Variants in SLC25A37 observed in about 807,000 individuals in gnomAD.
The protein encoded by SLC25A37 is solute carrier family 25 member 37.
In SLC25A37, 17 loss-of-function variants were observed where a neutral mutation model predicts 31.0. That is an observed-to-expected ratio of 0.55 (90% CI 0.38 to 0.82). The LOEUF (loss-of-function observed/expected upper bound fraction) is 0.82. SLC25A37 is among the 40% of genes least tolerant of loss of function. The pLI is 0.00. For synonymous variants in SLC25A37, 222 were observed against 193.0 expected (o/e 1.15, Z -1.24); for missense variants, 404 against 465.8 (o/e 0.87, Z 1.22).
At chr8:23,559,541 G>A (rs1349677196) in intron 1 of SLC25A37, among the ~76,000 whole-genome samples, 1 of 152,064 alleles carries the variant, frequency 6.6e-6, no homozygotes, top group Non-Finnish European at 1.5e-5. Flanking sequence ...CAGTCCAGCG[G>A]CATTAAGTAC....
intron 1 of SLC25A37, among the ~76,000 whole-genome samples, chr8:23,559,061 G>A (rs896813631): frequency 1.3e-5 from 2 of 152,208 alleles, no homozygotes; most frequent in Non-Finnish European, 2.9e-5. Context: ...CGTGTGTTTG[G>A]TCAGGTGTCT....
rs117331149 is a variant in SLC25A37 at position 23,569,168 on chromosome 8, G to T, written c.496+790G>T. 2.2e-4 allele frequency among the ~76,000 whole-genome samples: 34 copies of T among 152,254 alleles called. 1 individual carries two copies. In the East Asian group the frequency reaches 4.1e-3, roughly 18 times the overall value. On this transcript the variant is annotated intron_variant, in intron 3 of 3. Coordinates refer to ENST00000519973, the MANE Select transcript of SLC25A37 (RefSeq NM_016612.4). ...AGTCCCAGCTGTTCGGAAGGCTGAGGTGGAAGAATTGCTTGAGTTTGGGAG... is the reference window on the plus strand; with the variant it reads ...AGTCCCAGCTGTTCGGAAGGCTGAGTTGGAAGAATTGCTTGAGTTTGGGAG...
chr8:23,575,363 A>T lies in SLC25A37; in HGVS notation c.*3508A>T, dbSNP rs1167812399. The stretch of plus-strand genomic sequence containing the variant: ...CCTCTCAATTGTTGCCAGCTCTTTG[A>T]AGAAGGGGAGAATTGTGTGTTTTTG... On this transcript the variant is annotated 3_prime_UTR_variant, in exon 4 of 4. Coordinates refer to ENST00000519973, the MANE Select transcript of SLC25A37 (RefSeq NM_016612.4). 1.3e-5 allele frequency: 2 copies of T among 152,142 alleles called. No homozygotes were observed. Among genetic ancestry groups the T allele is most frequent in the Non-Finnish European group, 1.5e-5 (1 of 68,040 alleles). 9.4% of individuals were successfully genotyped at this position (152,142 alleles called of 1,614,324 possible).
intron 1 of SLC25A37, among the ~76,000 whole-genome samples, chr8:23,547,190 A>G (rs1287726658): frequency 1.3e-5 from 2 of 152,246 alleles, no homozygotes; most frequent in African/African-American, 2.4e-5. Flanking sequence ...AATTGAAAAC[A>G]GATTTCGGAT....
chr8:23,548,790 A>G (rs1014353790), intron 1 of SLC25A37, among the ~76,000 whole-genome samples: 1 of 152,180 alleles, frequency 6.6e-6, no homozygotes, highest in Non-Finnish European at 1.5e-5. Context: ...GATGAGGACC[A>G]TATAGATGGA....
intron 1 of SLC25A37, among the ~76,000 whole-genome samples, chr8:23,548,826 C>G (rs976464083): frequency 7.2e-5 from 11 of 152,092 alleles, no homozygotes; most frequent in Non-Finnish European, 1.5e-5. Flanking sequence ...GTAAAACACT[C>G]TCTCTCTGCT....
chr8:23,569,427 A>ACACACACACACACACACACT (rs1182003929), intron 3 of SLC25A37, among the ~76,000 whole-genome samples: 3 of 151,154 alleles, frequency 2.0e-5, no homozygotes, highest in African/African-American at 7.3e-5. Context: ...ACACACACAC[A>ACACACACACACACACACACT]CTCACTCTCT....
At chr8:23,567,826 GTTTTT>G (rs542715318) in intron 2 of SLC25A37, 2,739 of 111,460 alleles carry the variant, frequency 0.025, 67 homozygotes, top group Non-Finnish European at 0.03. Context: ...CTCTTGCCCA[GTTTTT>G]TTTTTTTTTT....
chr8:23,558,463 T>C (rs1314653385), intron 1 of SLC25A37, among the ~76,000 whole-genome samples: 1 of 152,138 alleles, frequency 6.6e-6, no homozygotes, highest in East Asian at 1.9e-4. Context: ...CCTAGGGCCA[T>C]TGTTGCTTCT....
In SLC25A37 at chr8:23,532,968, A is replaced by T. The variant is rs536541068; in HGVS notation, c.210+3756A>T. The stretch of plus-strand genomic sequence containing the variant: ...GCTTCAGAAGGGCGTGAAATCCCAA[A>T]TTGCTCTAGTTCCTGGGACAAAACT... On this transcript the variant is annotated intron_variant, in intron 1 of 3. Coordinates refer to ENST00000519973, the MANE Select transcript of SLC25A37 (RefSeq NM_016612.4). Among the ~76,000 whole-genome samples the T allele has an allele frequency of 2.2e-4, 33 of 152,210 alleles. No individual in the cohort carries two copies. In the East Asian group the frequency reaches 5.4e-3, roughly 25 times the overall value.
chr8:23,539,568 T>C (rs10098103), intron 1 of SLC25A37, among the ~76,000 whole-genome samples: 57,223 of 151,888 alleles, frequency 0.38, 12,485 homozygotes, highest in East Asian at 0.62. Context: ...GGGCGGGGTG[T>C]GGGCCCCGTG....
At position 23,529,027 on chromosome 8, in the gene SLC25A37, G is replaced by A; in HGVS notation, c.25G>A (p.Gly9Ser). Residue 9 changes from glycine (G) to serine (S), a missense_variant, in exon 1 of 4, where the codon GGC (glycine) becomes AGC (serine). Gly to Ser is a moderately conservative substitution (Grantham distance 56). This residue lies in a region of SLC25A37 where 154 missense variants were observed against 153.6 expected (regional missense o/e 1.00). Coordinates refer to ENST00000519973, the MANE Select transcript of SLC25A37 (RefSeq NM_016612.4). This position sits in a 1 kb window ranked among gnomAD's most constrained non-coding sequence, Gnocchi z 4.1. ...GATGGAGCTGCGCAGCGGGAGCGTG[G>A]GCAGCCAGGCGGTGGCGCGGAGGAT... is the stretch of plus-strand genomic sequence containing the variant. MELRSGSVGSQAVARRMDG... is the reference protein window; with the variant it reads MELRSGSVSSQAVARRMDG... 1 of 1,542,510 alleles carries A rather than the reference G, an allele frequency of 6.5e-7. No homozygotes were observed. The highest frequency in any genetic ancestry group is 8.7e-7 in the Non-Finnish European group (1 of 1,145,270).
Position 23,571,592 on chromosome 8 carries a change from A to ACGACCCCCC in SLC25A37, c.755_763dup (p.Pro254_Leu255insProThrPro). 6.2e-7 allele frequency: 1 copy of ACGACCCCCC among 1,613,788 alleles called. No individual in the cohort carries two copies. The highest frequency in any genetic ancestry group is 8.5e-7 in the Non-Finnish European group (1 of 1,179,812). On this transcript the variant is annotated inframe_insertion, in exon 4 of 4. Transcript: ENST00000519973. ...GGCCGGGGCCCTCGCCGCGGCCGCC[A>ACGACCCCCC]CGACCCCCCTGGACGTCTGTAAGAC... is the stretch of plus-strand genomic sequence containing the variant.
chr8:23,566,942 C>A, intron 2 of SLC25A37: 2 of 582,600 alleles, frequency 3.4e-6, no homozygotes, highest in Non-Finnish European at 4.3e-6. Flanking sequence ...TCTCTGCAAG[C>A]AAGGGCTGAA....
chr8:23,552,665 A>G (rs1193734417), intron 1 of SLC25A37, among the ~76,000 whole-genome samples: 1 of 152,172 alleles, frequency 6.6e-6, no homozygotes, highest in African/African-American at 2.4e-5. Context: ...CCCAACCAGA[A>G]CGTACGTTAC....
intron 1 of SLC25A37, among the ~76,000 whole-genome samples, chr8:23,538,161 A>T (rs1801809666): frequency 6.6e-6 from 1 of 151,954 alleles, no homozygotes; most frequent in Admixed American, 6.6e-5. Flanking sequence ...CGGGCAGATC[A>T]CCTGAGGTCA....
At position 23,572,393 on chromosome 8, in the gene SLC25A37, TTTGTTG is replaced by T. The variant is rs140888202; in HGVS notation, c.*544_*549del. On this transcript the variant is annotated 3_prime_UTR_variant, in exon 4 of 4. Transcript: ENST00000519973. ...TTACGGCTGGGACTCTCCAGCTGTT[TTTGTTG>T]TTGTTATGTTTTTAAGAGGGTTGAA... 2 of 152,606 alleles carry T rather than the reference TTTGTTG, an allele frequency of 1.3e-5. No homozygotes were observed. The highest frequency in any genetic ancestry group is 4.8e-5 in the African/African-American group (2 of 41,300). 9.5% of individuals were successfully genotyped at this position (152,606 alleles called of 1,614,324 possible). A position where few individuals can be genotyped will look rare whatever the true frequency, so the allele number is the denominator to read the frequency against.
intron 1 of SLC25A37, among the ~76,000 whole-genome samples, chr8:23,544,614 G>A (rs532341866): frequency 1.3e-5 from 2 of 152,126 alleles, no homozygotes; most frequent in Non-Finnish European, 2.9e-5. Context: ...GTTGGGAAAG[G>A]CCCCCCGAGG....
At chr8:23,548,088 G>A (rs992956910) in intron 1 of SLC25A37, among the ~76,000 whole-genome samples, 5 of 152,198 alleles carry the variant, frequency 3.3e-5, no homozygotes, top group Admixed American at 3.3e-4. Flanking sequence ...GAGCCTCCCT[G>A]CAGCATCTCC....
Sources: allele counts gnomAD v4.1 joint callset (sites outside exome capture counted in the v4.1 genomes callset), GRCh38; gene constraint gnomAD v4.1.1; regional missense constraint gnomAD v4.1.1; non-coding constraint Gnocchi (gnomAD v3.1); transcripts MANE v1.5; gene names NCBI Gene and HGNC (gene_info 2026-07-23, HGNC 2026-07-21).